The following CLIC5 variants were observed in gnomAD, a reference collection of about 807,000 sequenced individuals.
CLIC5 encodes CLIC family member 5.
Under a neutral mutation model 24.7 loss-of-function variants are expected in CLIC5, and 20 were observed. The observed-to-expected ratio is 0.81, with a 90% confidence interval of 0.57 to 1.18. The LOEUF is 1.18. Among genes scored for constraint, CLIC5 ranks in the 50% most tolerant of loss-of-function variants. The probability of loss-of-function intolerance (pLI) is 0.00; values close to 1 mark genes in which losing one functional copy is unlikely to be tolerated. For missense variants in CLIC5, 341 were observed against 326.1 expected (o/e 1.05, Z -0.35); for synonymous variants, 159 against 135.6 (o/e 1.17, Z -1.20).
chr6:45,942,805 T>C (rs935637527), intron 3 of CLIC5, among the ~76,000 whole-genome samples: 1 of 152,244 alleles, frequency 6.6e-6, no homozygotes, highest in Non-Finnish European at 1.5e-5. Flanking sequence ...ATTTCAGAGA[T>C]ACTGCCATTG....
the CLIC5 span, among the ~76,000 whole-genome samples, chr6:46,106,849 G>T: frequency 6.6e-6 from 1 of 152,226 alleles, no homozygotes; most frequent in Admixed American, 6.5e-5. Flanking sequence ...ATGTGAGAAA[G>T]ATAAACTTTA....
chr6:46,085,439 C>G, the CLIC5 span, among the ~76,000 whole-genome samples: 1 of 152,184 alleles, frequency 6.6e-6, no homozygotes, highest in African/African-American at 2.4e-5. Flanking sequence ...TGGTGACGTA[C>G]AGATGGGTTT....
upstream of CLIC5, chr6:46,080,349 A>C (rs116441542): frequency 6.7e-6 from 6 of 897,968 alleles, no homozygotes; most frequent in Non-Finnish European, 1.0e-5. Flanking sequence ...ACGAGCTCTT[A>C]AAAGGCAGCA....
chr6:45,964,392 C>T (rs1764951426), intron 1 of CLIC5, among the ~76,000 whole-genome samples: 1 of 152,142 alleles, frequency 6.6e-6, no homozygotes, highest in African/African-American at 2.4e-5. Flanking sequence ...TCCACATTTC[C>T]CTTCTTCTTA....
intron 6 of CLIC5, among the ~76,000 whole-genome samples, chr6:45,886,880 T>C (rs1025439767): frequency 6.6e-6 from 1 of 152,126 alleles, no homozygotes; most frequent in Non-Finnish European, 1.5e-5. Context: ...AAAACAATGA[T>C]AGGGAGCTAG....
chr6:45,979,951 C>CTTTTTTTTTTTTT lies in CLIC5; in HGVS notation c.64-24720_64-24708dup, dbSNP rs3997321. 2.3e-4 allele frequency among the ~76,000 whole-genome samples: 22 copies of CTTTTTTTTTTTTT among 95,042 alleles called. 1 individual carries two copies. Among genetic ancestry groups the CTTTTTTTTTTTTT allele is most frequent in the African/African-American group, 2.9e-4 (7 of 24,342 alleles). The allele number at this position is 95,042 out of a possible 152,430, so 62.4% of individuals were successfully genotyped here. On this transcript the variant is annotated intron_variant, in intron 1 of 5. Transcript: ENST00000339561. ...GCAATTGCTTTTGGAGACTTAGTCA[C>CTTTTTTTTTTTTT]TTTTTTTTTTTTTTTTTTTGCCAAG...
chr6:45,948,349 C>T (rs1054031232), intron 3 of CLIC5, among the ~76,000 whole-genome samples: 1 of 152,172 alleles, frequency 6.6e-6, no homozygotes, highest in African/African-American at 2.4e-5. Context: ...TGGACAGTCA[C>T]CAATGGCTCC....
chr6:46,088,129 A>C, the CLIC5 span, among the ~76,000 whole-genome samples: 2 of 151,324 alleles, frequency 1.3e-5, no homozygotes, highest in Admixed American at 6.6e-5. Flanking sequence ...AAACCAAAGC[A>C]AACTCTATCA....
At position 46,001,183 on chromosome 6, in the gene CLIC5, T is replaced by A. The variant is rs112193674; in HGVS notation, c.63+14297A>T. Among the ~76,000 whole-genome samples, 653 of 152,194 alleles carry A rather than the reference T, an allele frequency of 4.3e-3. 4 individuals are homozygous for A. The highest frequency in any genetic ancestry group is 0.015 in the African/African-American group (626 of 41,536). On this transcript the variant is annotated intron_variant, in intron 1 of 5. Coordinates refer to ENST00000339561, the MANE Select transcript of CLIC5 (RefSeq NM_016929.5). ...CTGGGAGAGGAACCAGAAGAGATAG[T>A]CCATGGTTTTTCTCCAGCAGTGTCC...
intron 6 of CLIC5, among the ~76,000 whole-genome samples, chr6:45,885,749 C>T (rs1407963229): frequency 6.6e-6 from 1 of 152,204 alleles, no homozygotes; most frequent in African/African-American, 2.4e-5. Context: ...CTCCCAAATG[C>T]TAAGGGAACA....
intron 5 of CLIC5, among the ~76,000 whole-genome samples, chr6:45,905,587 C>T (rs993220419): frequency 3.0e-5 from 4 of 132,878 alleles, no homozygotes; most frequent in Admixed American, 7.7e-5. Context: ...TTGTTTTTTT[C>T]TTATTCAATT....
the CLIC5 span, among the ~76,000 whole-genome samples, chr6:46,087,444 A>G: frequency 6.6e-6 from 1 of 152,166 alleles, no homozygotes; most frequent in Admixed American, 6.5e-5. Flanking sequence ...GCTTTGAGGC[A>G]GGGCTTCCCC....
chr6:45,976,721 G>A (rs1266623675), intron 1 of CLIC5, among the ~76,000 whole-genome samples: 1 of 152,190 alleles, frequency 6.6e-6, no homozygotes, highest in Non-Finnish European at 1.5e-5. Context: ...ATCAAACGTA[G>A]TGATTCTCAG....
chr6:45,949,959 T>C (rs1274056710), intron 2 of CLIC5, among the ~76,000 whole-genome samples: 1 of 152,204 alleles, frequency 6.6e-6, no homozygotes, highest in East Asian at 1.9e-4. Flanking sequence ...AATACTCTTT[T>C]TGAGTTATAA....
At chr6:46,075,066 C>T (rs112723240) in intron 1 of CLIC5, among the ~76,000 whole-genome samples, 1,703 of 152,276 alleles carry the variant, frequency 0.011, 41 homozygotes, top group African/African-American at 0.039. Context: ...ATAATTTAGG[C>T]TCCTATATAT....
At chr6:45,896,322 C>T (rs1312808839), downstream of CLIC5, among the ~76,000 whole-genome samples, 5 of 152,160 alleles carry the variant, frequency 3.3e-5, no homozygotes, top group Non-Finnish European at 4.4e-5. Flanking sequence ...AATGTCATTC[C>T]ACTTAAAATA....
the CLIC5 span, among the ~76,000 whole-genome samples, chr6:46,104,461 G>A: frequency 6.6e-6 from 1 of 151,756 alleles, no homozygotes; most frequent in African/African-American, 2.4e-5. Flanking sequence ...TGGGACTTTT[G>A]TTGTCTCAAC....
chr6:45,954,856 A>G (rs1334597514), intron 2 of CLIC5, among the ~76,000 whole-genome samples: 2 of 152,190 alleles, frequency 1.3e-5, no homozygotes, highest in Non-Finnish European at 2.9e-5. Flanking sequence ...CTGTGCCCAT[A>G]TGTGCACCAG....
At chr6:46,045,562 C>T (rs1193325001) in intron 1 of CLIC5, among the ~76,000 whole-genome samples, 1 of 152,078 alleles carries the variant, frequency 6.6e-6, no homozygotes, top group Non-Finnish European at 1.5e-5. Flanking sequence ...GTCTACCTGT[C>T]TTTTGGGGTT....
Sources: gnomAD v4.1 joint callset for allele counts (sites outside exome capture counted in the v4.1 genomes callset) on GRCh38, gnomAD v4.1.1 for gene constraint, MANE v1.5 for transcripts, NCBI Gene and HGNC (gene_info 2026-07-23, HGNC 2026-07-21) for gene names.